Variants in RCAN3 observed in about 807,000 individuals in gnomAD.
RCAN3 encodes calcipressin-3.
In RCAN3, 19 loss-of-function variants were observed where a neutral mutation model predicts 21.9. The ratio of observed to expected loss-of-function variants is 0.87; its 90% CI spans 0.61 to 1.27. RCAN3 has a LOEUF of 1.27. Ranked by LOEUF, RCAN3 falls within the 50% of genes most tolerant of loss-of-function variation. The pLI, the probability that RCAN3 is intolerant of heterozygous loss-of-function variation, is 0.00. For synonymous variants in RCAN3, 114 were observed against 112.3 expected, an observed-to-expected ratio of 1.01 and a Z score of -0.09; for missense variants, 240 against 300.1, an observed-to-expected ratio of 0.80 and a Z score of 1.48.
At chr1:24,516,004 G>C (rs1570456683) in intron 2 of RCAN3, among the ~76,000 whole-genome samples, 1 of 152,078 alleles carries the variant, frequency 6.6e-6, no homozygotes, top group South Asian at 2.1e-4. Flanking sequence ...TTAGCTGGGC[G>C]TGGTGGCAGG....
chr1:24,505,245 TTTTTTTTTC>T (rs1647349199), intron 1 of RCAN3, among the ~76,000 whole-genome samples: 38 of 110,486 alleles, frequency 3.4e-4, no homozygotes, highest in Admixed American at 1.1e-3. Flanking sequence ...TTTTTTTTTT[TTTTTTTTTC>T]TTTTTTTTGA....
intron 2 of RCAN3, among the ~76,000 whole-genome samples, chr1:24,527,645 T>TCAA (rs1649385565): frequency 1.3e-5 from 2 of 152,158 alleles, no homozygotes; most frequent in South Asian, 4.1e-4. Context: ...CACTTCAGGA[T>TCAA]CAACAGATCA....
At chr1:24,524,438 C>G (rs1649091260) in intron 2 of RCAN3, among the ~76,000 whole-genome samples, 1 of 152,216 alleles carries the variant, frequency 6.6e-6, no homozygotes, top group African/African-American at 2.4e-5. Flanking sequence ...CTGCTCCCCT[C>G]TAGCACTTTT....
chr1:24,506,793 C>A (rs898369865), intron 1 of RCAN3, among the ~76,000 whole-genome samples: 1 of 150,206 alleles, frequency 6.7e-6, no homozygotes, highest in South Asian at 2.1e-4. Flanking sequence ...GGATTATTTC[C>A]TGTGTTCTGT....
rs1650369215 is a variant in RCAN3, at chr1:24,538,827, A to C, written c.*3550A>C. The C allele has an allele frequency of 6.6e-6, 1 of 152,056 alleles. No homozygotes were observed. Among genetic ancestry groups the C allele is most frequent in the African/African-American group, 2.4e-5 (1 of 41,390 alleles). 9.4% of individuals were successfully genotyped at this position (152,056 alleles called of 1,614,324 possible). On this transcript the variant is annotated 3_prime_UTR_variant, in exon 5 of 5. Transcript: ENST00000374395. ...AAGAATATAGTCTTTAGCCAGGTGC[A>C]GTGGTGTGTGCCTGTAGTCTCAGCT...
At position 24,535,381 on chromosome 1, in the gene RCAN3, C is replaced by G; in HGVS notation, c.*104C>G. 1 of 1,299,626 alleles carries G rather than the reference C, an allele frequency of 7.7e-7. No individual in the cohort carries two copies. Among genetic ancestry groups the G allele is most frequent in the Non-Finnish European group, 1.0e-6 (1 of 980,042 alleles). The allele number at this position is 1,299,626 out of a possible 1,614,324, so 80.5% of individuals were successfully genotyped here. ...TGCGAACAGCATAGGTGAGACTCTGCCGAGTGAGGTATAGGTCTTCTCACC... is the reference window on the plus strand; with the variant it reads ...TGCGAACAGCATAGGTGAGACTCTGGCGAGTGAGGTATAGGTCTTCTCACC... On this transcript the variant is annotated 3_prime_UTR_variant, in exon 5 of 5. Coordinates refer to ENST00000374395, the MANE Select transcript of RCAN3 (RefSeq NM_013441.4).
intron 2 of RCAN3, among the ~76,000 whole-genome samples, chr1:24,515,463 T>TGTGCGC (rs1352127219): frequency 1.3e-5 from 2 of 150,010 alleles, no homozygotes; most frequent in African/African-American, 4.9e-5. Context: ...TGTGTGTGTG[T>TGTGCGC]GCTTTGTTTT....
chr1:24,524,826 TTG>T (rs1491496314), intron 2 of RCAN3, among the ~76,000 whole-genome samples: 1 of 113,430 alleles, frequency 8.8e-6, no homozygotes, highest in African/African-American at 4.4e-5. Flanking sequence ...TTGTTTTCTT[TTG>T]TTTTTTTTTT....
chr1:24,509,984 C>T (rs191193436), intron 1 of RCAN3, among the ~76,000 whole-genome samples: 2 of 152,310 alleles, frequency 1.3e-5, no homozygotes, highest in African/African-American at 4.8e-5. Flanking sequence ...TCTGTCAGAG[C>T]TCCTGGGTGA....
intron 1 of RCAN3, among the ~76,000 whole-genome samples, chr1:24,512,823 T>G (rs1647994418): frequency 6.6e-6 from 1 of 151,926 alleles, no homozygotes; most frequent in Non-Finnish European, 1.5e-5. Flanking sequence ...TGATGTGCAC[T>G]TCATTGGAAG....
At chr1:24,534,421 G>A (rs1439184579) in intron 4 of RCAN3, among the ~76,000 whole-genome samples, 3 of 152,048 alleles carry the variant, frequency 2.0e-5, no homozygotes, top group African/African-American at 7.2e-5. Flanking sequence ...TGGCCAACAT[G>A]ATAAAACCCC....
intron 2 of RCAN3, among the ~76,000 whole-genome samples, chr1:24,518,324 T>G (rs892490191): frequency 6.6e-6 from 1 of 152,202 alleles, no homozygotes; most frequent in African/African-American, 2.4e-5. Context: ...TGGCTCTATG[T>G]TTTTATCAAT....
Position 24,533,230 on chromosome 1 carries a change from T to G in RCAN3, c.517T>G (p.Cys173Gly). The change falls in exon 4 of 5, where the codon TGT becomes GGT. Residue 173 changes from cysteine to glycine, a missense_variant. Physicochemically the swap from Cys to Gly is radical, Grantham distance 159. Transcript: ENST00000374395. ...GCCTGTTATAAATTATGATTTACTC[T>G]GTGCTGTTTCCAAATTGGGACCAGG... ...AMPVINYDLL[C>G]AVSKLGPGEK... 5.1e-6 allele frequency: 8 copies of G among 1,568,284 alleles called. No individual in the cohort carries two copies. Among genetic ancestry groups the G allele is most frequent in the Non-Finnish European group, 6.0e-6 (7 of 1,162,530 alleles).
intron 2 of RCAN3, among the ~76,000 whole-genome samples, chr1:24,519,213 A>T (rs1648587697): frequency 8.3e-6 from 1 of 120,810 alleles, no homozygotes; most frequent in African/African-American, 4.2e-5. Context: ...GCCTGGCCTG[A>T]TGTTTTTTTT....
chr1:24,535,623 A>C lies in RCAN3; in HGVS notation c.*346A>C. On this transcript the variant is annotated 3_prime_UTR_variant, in exon 5 of 5. Transcript: ENST00000374395. ...TTCTGTATCACATGAGACACCAAAA[A>C]CTGGAAATGTAGTCACACCCAGTAC... 1 of 227,462 alleles carries C rather than the reference A, an allele frequency of 4.4e-6. No homozygotes were observed. Among genetic ancestry groups the C allele is most frequent in the Non-Finnish European group, 8.5e-6 (1 of 118,226 alleles). 14.1% of individuals were successfully genotyped at this position (227,462 alleles called of 1,614,324 possible).
intron 4 of RCAN3, among the ~76,000 whole-genome samples, chr1:24,534,230 T>A (rs979967782): frequency 2.0e-5 from 3 of 152,146 alleles, no homozygotes; most frequent in African/African-American, 7.2e-5. Flanking sequence ...GTCTTAGATA[T>A]CCAAGTTCCT....
At chr1:24,519,558 A>G (rs1170617292) in intron 2 of RCAN3, among the ~76,000 whole-genome samples, 2 of 152,144 alleles carry the variant, frequency 1.3e-5, no homozygotes, top group Admixed American at 1.3e-4. Flanking sequence ...TCCCCTTGCA[A>G]AGTACTGCCC....
intron 1 of RCAN3, among the ~76,000 whole-genome samples, chr1:24,507,396 A>G (rs1570441979): frequency 6.6e-6 from 1 of 152,090 alleles, no homozygotes; most frequent in Admixed American, 6.5e-5. Flanking sequence ...AATTCAATTT[A>G]CCTTTGTCTG....
Position 24,535,235 on chromosome 1 carries a change from C to A in RCAN3, c.684C>A (p.Thr228=). ...AGACGAGGCGCCCCGACCCTCCGAC[C>A]GCAGCGTTGAATGAGCCCCAGACCT... ...IAQTRRPDPP[T]AALNEPQTFD... The change falls in exon 5 of 5, where the codon ACC becomes ACA. Residue 228 remains threonine (T), a synonymous_variant. Coordinates refer to ENST00000374395, the MANE Select transcript of RCAN3 (RefSeq NM_013441.4). 2 of 1,580,734 alleles carry A rather than the reference C, an allele frequency of 1.3e-6. No individual in the cohort carries two copies. The highest frequency in any genetic ancestry group is 1.2e-5 in the South Asian group (1 of 85,842).
Sources: gnomAD v4.1 joint callset for allele counts (sites outside exome capture counted in the v4.1 genomes callset) on GRCh38, gnomAD v4.1.1 for gene constraint, MANE v1.5 for transcripts, NCBI Gene and HGNC (gene_info 2026-07-23, HGNC 2026-07-21) for gene names.